RPTOR: variants seen among roughly 807,000 people sequenced by gnomAD.
The protein encoded by RPTOR is regulatory associated protein of MTOR complex 1.
In RPTOR, 21 loss-of-function variants were observed where a neutral mutation model predicts 169.9. The observed-to-expected ratio is 0.12, with a 90% CI of 0.09 to 0.18. The LOEUF (loss-of-function observed/expected upper bound fraction) is 0.18, where lower values mean the gene tolerates loss of function less well. Ranked by LOEUF, RPTOR falls within the 10% of genes least tolerant of loss-of-function variation. The pLI, the probability that RPTOR is intolerant of heterozygous loss-of-function variation, is 1.00. For missense variants in RPTOR, 1,133 were observed against 1,855.9 expected (o/e 0.61, Z 7.16); for synonymous variants, 732 against 753.2 (o/e 0.97, Z 0.46).
chr17:80,626,469 A>G (rs2065395129), intron 2 of RPTOR, among the ~76,000 whole-genome samples: 1 of 151,982 alleles, frequency 6.6e-6, no homozygotes, highest in Admixed American at 6.6e-5. Context: ...GGTAAATGGA[A>G]CCACTTCCAG....
intron 10 of RPTOR, among the ~76,000 whole-genome samples, chr17:80,841,352 GCT>G (rs1430642773): frequency 1.6e-5 from 1 of 62,100 alleles, no homozygotes; most frequent in African/African-American, 8.5e-5. Context: ...ACGGCAGCTC[GCT>G]CTCTCTGCAC....
chr17:80,794,547 T>C (rs1042666431), intron 7 of RPTOR, among the ~76,000 whole-genome samples: 1 of 152,258 alleles, frequency 6.6e-6, no homozygotes, highest in Admixed American at 6.5e-5. Flanking sequence ...TGTCCCCGCA[T>C]TCCTACTCCT....
chr17:80,914,123 G>A (rs189148872), intron 21 of RPTOR, among the ~76,000 whole-genome samples: 25 of 152,372 alleles, frequency 1.6e-4, no homozygotes, highest in Admixed American at 1.5e-3. Flanking sequence ...TCAAATTGAT[G>A]GCAGTGGCAG....
chr17:80,758,626 C>G (rs1356039609), intron 6 of RPTOR, among the ~76,000 whole-genome samples: 2 of 152,132 alleles, frequency 1.3e-5, no homozygotes, highest in Admixed American at 6.5e-5. Context: ...TAGGCTGGAG[C>G]TTCTGTAGAC....
chr17:80,797,990 T>G (rs552123554), intron 7 of RPTOR, among the ~76,000 whole-genome samples: 1 of 152,312 alleles, frequency 6.6e-6, no homozygotes, highest in East Asian at 1.9e-4. Flanking sequence ...GCGGCCCCTG[T>G]GTTCCAGGCA....
chr17:80,718,632 A>G (rs2066259484), intron 4 of RPTOR, among the ~76,000 whole-genome samples: 1 of 152,188 alleles, frequency 6.6e-6, no homozygotes, highest in South Asian at 2.1e-4. Flanking sequence ...AACAAAGGCA[A>G]CAGTTGTCCC....
rs1567868340 is a variant in RPTOR, at chr17:80,708,589, GT to G, written c.507+591del. 6.9e-6 allele frequency among the ~76,000 whole-genome samples: 1 copy of G among 145,058 alleles called. No individual in the cohort carries two copies. The highest frequency in any genetic ancestry group is 2.7e-5 in the African/African-American group (1 of 37,638). ...CAGGGTGTGGTGGGTGCTGACTGTT[GT>G]CCCCACCCTCCAGGGTGTGGTGGGT... On this transcript the variant is annotated intron_variant, in intron 4 of 33. Transcript: ENST00000306801. This position sits in a 1 kb window ranked among gnomAD's most constrained non-coding sequence, Gnocchi z 4.2.
At chr17:80,762,257 C>T (rs762394559) in intron 6 of RPTOR, among the ~76,000 whole-genome samples, 2 of 152,238 alleles carry the variant, frequency 1.3e-5, no homozygotes, top group Non-Finnish European at 2.9e-5. Context: ...GGCTGAACCC[C>T]GTCCTCGGGT....
Position 80,951,847 on chromosome 17 carries a change from G to A in RPTOR, c.3370+2300G>A, listed in dbSNP as rs148891386. Among the ~76,000 whole-genome samples, 460 of 152,334 alleles carry A rather than the reference G, an allele frequency of 3.0e-3. 9 individuals are homozygous for A. The highest frequency in any genetic ancestry group is 0.011 in the African/African-American group (442 of 41,568). Reference sequence around the variant, plus strand: ...ATGCCGGCATGTCACTGTCCTACCCGGGTACGTCGGCCTATGTGCTGGAGA... The same window carrying A: ...ATGCCGGCATGTCACTGTCCTACCCAGGTACGTCGGCCTATGTGCTGGAGA... On this transcript the variant is annotated intron_variant, in intron 28 of 33. Transcript: ENST00000306801.
chr17:80,927,349 G>A (rs1005651168), intron 24 of RPTOR, among the ~76,000 whole-genome samples: 12 of 152,244 alleles, frequency 7.9e-5, no homozygotes, highest in Non-Finnish European at 1.8e-4. Context: ...TGGGATGGCA[G>A]TGGCTGTACA....
At chr17:80,829,921 G>A (rs925414519) in intron 9 of RPTOR, among the ~76,000 whole-genome samples, 1 of 152,224 alleles carries the variant, frequency 6.6e-6, no homozygotes, top group Admixed American at 6.5e-5. Context: ...GTTCTCTGGG[G>A]TAGGTTTTCA....
intron 2 of RPTOR, among the ~76,000 whole-genome samples, chr17:80,636,766 C>T (rs2065510325): frequency 6.6e-6 from 1 of 152,156 alleles, no homozygotes; most frequent in African/African-American, 2.4e-5. Context: ...ACACCCCTCC[C>T]CAACACGCCC....
chr17:80,853,074 C>T (rs921104123), intron 11 of RPTOR, among the ~76,000 whole-genome samples: 7 of 152,198 alleles, frequency 4.6e-5, no homozygotes, highest in African/African-American at 9.7e-5. Flanking sequence ...CCCTTCCACT[C>T]GCCTCCCCGA....
chr17:80,557,648 G>A (rs192921198), intron 1 of RPTOR, among the ~76,000 whole-genome samples: 7 of 152,342 alleles, frequency 4.6e-5, no homozygotes, highest in African/African-American at 1.7e-4. Context: ...AAAATGGCCA[G>A]GCACAGTGGC....
intron 7 of RPTOR, among the ~76,000 whole-genome samples, chr17:80,811,036 GACTTC>G (rs1428383353): frequency 2.0e-5 from 3 of 152,132 alleles, no homozygotes; most frequent in African/African-American, 7.2e-5. Flanking sequence ...CATACAGTTT[GACTTC>G]TTTATTTCCG....
At chr17:80,589,144 T>C (rs969877917) in intron 1 of RPTOR, among the ~76,000 whole-genome samples, 17 of 152,226 alleles carry the variant, frequency 1.1e-4, no homozygotes, top group African/African-American at 3.9e-4. Flanking sequence ...CCATCCGGCA[T>C]TGGCTTTGCA....
chr17:80,949,357 CAGGAAGGGCTCT>C, intron 27 of RPTOR, 74 bp from the exon 28 acceptor site: 1 of 1,167,608 alleles, frequency 8.6e-7, no homozygotes, highest in Non-Finnish European at 1.3e-6. Flanking sequence ...GCACGTCTGC[CAGGAAGGGCTCT>C]TACCACCACG....
intron 10 of RPTOR, among the ~76,000 whole-genome samples, chr17:80,841,783 TCTCACCGCACGGCAGCTCACA>T (rs2067667050): frequency 1.5e-4 from 15 of 103,322 alleles, no homozygotes; most frequent in African/African-American, 2.3e-4. Flanking sequence ...GGCAGCTCAC[TCTCACCGCACGGCAGCTCACA>T]CTCACCGCAC....
At chr17:80,935,170 A>G (rs890130799) in intron 24 of RPTOR, among the ~76,000 whole-genome samples, 5 of 152,222 alleles carry the variant, frequency 3.3e-5, no homozygotes, top group South Asian at 2.1e-4. Context: ...TGTGAAAGAT[A>G]TGTATTCTGA....
Sources: allele counts gnomAD v4.1 joint callset (sites outside exome capture counted in the v4.1 genomes callset), GRCh38; gene constraint gnomAD v4.1.1; non-coding constraint Gnocchi (gnomAD v3.1); transcripts MANE v1.5; gene names NCBI Gene and HGNC (gene_info 2026-07-23, HGNC 2026-07-21).